The following KMT2D variants were observed in gnomAD, a reference collection of about 807,000 sequenced individuals.
KMT2D encodes the protein lysine methyltransferase 2D.
A neutral mutation model predicts 512.7 loss-of-function variants in KMT2D; 55 were observed. That is an observed-to-expected ratio of 0.11 (90% confidence interval 0.09 to 0.13). The LOEUF (loss-of-function observed/expected upper bound fraction) is 0.13. KMT2D is among the 10% of genes least tolerant of loss of function. KMT2D has a pLI of 1.00. For missense variants in KMT2D, 6,061 were observed against 7,127.9 expected (o/e 0.85, Z 5.39); for synonymous variants, 2,995 against 2,904.0 (o/e 1.03, Z -1.01).
At position 49,041,319 on chromosome 12, in the gene KMT2D, G is replaced by A. The variant is rs2120544988; in HGVS notation, c.6451C>T (p.Pro2151Ser). 1.3e-6 allele frequency: 2 copies of A among 1,538,642 alleles called. No individual in the cohort carries two copies. The highest frequency in any genetic ancestry group is 1.3e-5 in the South Asian group (1 of 78,784). ...AGCTCACCAGGCGAGTCAGGGCCAG[G>A]CACCGAGCCCGCCGGCGGCTTCAGG... ...GFLKPPAGSV[P>S]GPDSPGELFL... The change falls in exon 32 of 55, where the codon CCT becomes TCT. Residue 2151 changes from proline (P) to serine (S), a missense_variant. Transcript: ENST00000301067. The surrounding 1 kb of genome is among the most constrained non-coding windows in gnomAD (Gnocchi z 5.4).
rs774789138 is a variant in KMT2D, at chr12:49,051,809, C to A, written c.1874G>T (p.Arg625Leu). The change falls in exon 11 of 55, where the codon CGC (arginine) becomes CTC (leucine). Residue 625 changes from arginine (R) to leucine (L), a missense_variant. This residue lies in a region of KMT2D where 848 missense variants were observed against 838.5 expected (regional missense o/e 1.01). Coordinates refer to ENST00000301067, the MANE Select transcript of KMT2D (RefSeq NM_003482.4). ...CGAGTCCTCAGGTGGTGGGGACAGG[C>A]GTGATGCCTCAGGTGGTGGGGAAAG... ...SPLSPPPEAS[R>L]LSPPPEDSPM... 2 of 1,573,706 alleles carry A rather than the reference C, an allele frequency of 1.3e-6. No individual in the cohort carries two copies. Among genetic ancestry groups the A allele is most frequent in the Non-Finnish European group, 1.7e-6 (2 of 1,163,300 alleles).
rs373652741 is a variant in KMT2D at position 49,042,249 on chromosome 12, G to A, written c.5949C>T (p.Thr1983=). The change falls in exon 29 of 55, where the codon ACC becomes ACT. Residue 1983 remains threonine, a synonymous_variant. Coordinates refer to ENST00000301067, the MANE Select transcript of KMT2D (RefSeq NM_003482.4). This position sits in a 1 kb window ranked among gnomAD's most constrained non-coding sequence, Gnocchi z 4.4. ...WTGSGGTTPS[T]PTTPTTEGEG... is the part of the protein sequence containing the mutation. ...CACCCTCCGTGGTGGGGGTTGTGGG[G>A]GTGGAGGGCGTGGTGCCACCTGAGC... The A allele has an allele frequency of 2.5e-6, 4 of 1,586,150 alleles. No individual in the cohort carries two copies. The highest frequency in any genetic ancestry group is 3.4e-6 in the Non-Finnish European group (4 of 1,166,604).
In KMT2D at chr12:49,028,815, C is replaced by A. The variant is rs2120386092; in HGVS notation, c.14382+13G>T. 6.2e-7 allele frequency: 1 copy of A among 1,613,464 alleles called. No individual in the cohort carries two copies. The highest frequency in any genetic ancestry group is 8.5e-7 in the Non-Finnish European group (1 of 1,179,782). ...CAGGTTCCCCTCAGCCTCGAGGTAC[C>A]CCTAGGACACACCTTGGCTGCAGCA... On this transcript the variant is annotated intron_variant, in intron 46 of 54. Transcript: ENST00000301067.
Position 49,041,305 on chromosome 12 carries a change from C to G in KMT2D, c.6465G>C (p.Ser2155=), listed in dbSNP as rs771164655. 1.3e-6 allele frequency: 2 copies of G among 1,529,028 alleles called. No homozygotes were observed. The highest frequency in any genetic ancestry group is 1.8e-6 in the Non-Finnish European group (2 of 1,141,450). The allele number at this position is 1,529,028 out of a possible 1,614,324, so 94.7% of individuals were successfully genotyped here. A position where few individuals can be genotyped will look rare whatever the true frequency, so the allele number is the denominator to read the frequency against. Residue 2155 remains serine (S), a synonymous_variant, in exon 32 of 55, where the codon TCG becomes TCC. Coordinates refer to ENST00000301067, the MANE Select transcript of KMT2D (RefSeq NM_003482.4). This position sits in a 1 kb window ranked among gnomAD's most constrained non-coding sequence, Gnocchi z 5.4. ...GGAGCTTGAGGAAGAGCTCACCAGG[C>G]GAGTCAGGGCCAGGCACCGAGCCCG... ...PPAGSVPGPD[S]PGELFLKLPP...
chr12:49,042,389 A>C lies in KMT2D; in HGVS notation c.5868-59T>G, dbSNP rs1210499991. 91 of 1,489,408 alleles carry C rather than the reference A, an allele frequency of 6.1e-5. No individual in the cohort carries two copies. Among genetic ancestry groups the C allele is most frequent in the Non-Finnish European group, 8.1e-6 (9 of 1,117,270 alleles). 92.3% of individuals were successfully genotyped at this position (1,489,408 alleles called of 1,614,324 possible). The stretch of plus-strand genomic sequence containing the variant: ...GGGATGCCAAGTCCCACCCCAGACA[A>C]ACTGCCTAGAGCCCCAGGCCACTGC... On this transcript the variant is annotated intron_variant, in intron 28 of 54. Transcript: ENST00000301067. The surrounding 1 kb of genome is among the most constrained non-coding windows in gnomAD (Gnocchi z 4.4).
rs775314421 is a variant in KMT2D at position 49,040,374 on chromosome 12, A to G, written c.7396T>C (p.Leu2466=). Reference sequence around the variant, plus strand: ...GGCTGGGGTCGGGGTGGCTTATGCAATGGGGCAAATGGGTCACGGGACTGA... The same window carrying G: ...GGCTGGGGTCGGGGTGGCTTATGCAGTGGGGCAAATGGGTCACGGGACTGA... ...RPQSRDPFAP[L]HKPPRPQPPE... The change falls in exon 32 of 55, where the codon TTG becomes CTG. Residue 2466 remains leucine, a synonymous_variant. Transcript: ENST00000301067. 1.3e-6 allele frequency: 2 copies of G among 1,564,222 alleles called. No homozygotes were observed. The highest frequency in any genetic ancestry group is 1.9e-5 in the Admixed American group (1 of 53,854).
chr12:49,044,693 CAG>C lies in KMT2D; in HGVS notation c.4963+49_4963+50del. ...TAGCCCCCACCCAACATCCCACTCC[CAG>C]AGTCACGCTCCCCCTACTCTGCCGC... is the stretch of plus-strand genomic sequence containing the variant. On this transcript the variant is annotated intron_variant, in intron 20 of 54. Transcript: ENST00000301067. This position sits in a 1 kb window ranked among gnomAD's most constrained non-coding sequence, Gnocchi z 6.4. The C allele has an allele frequency of 6.3e-7, 1 of 1,581,030 alleles. No individual in the cohort carries two copies.
Position 49,050,223 on chromosome 12 carries a change from G to A in KMT2D, c.3365C>T (p.Thr1122Ile), listed in dbSNP as rs541921137. ...LDDFSGLGED[T>I]APLDGIDAPG... is the part of the protein sequence containing the mutation. ...AGCATCAATCCCATCCAGAGGGGCT[G>A]TGTCTTCCCCTAGGCCAGAGAAGTC... is the stretch of plus-strand genomic sequence containing the variant. Residue 1122 changes from threonine (T) to isoleucine (I), a missense_variant, in exon 12 of 55, where the codon ACA becomes ATA. This residue lies in a region of KMT2D where 447 missense variants were observed against 500.1 expected (regional missense o/e 0.89). Transcript: ENST00000301067. 7.4e-6 allele frequency: 12 copies of A among 1,613,606 alleles called. No individual in the cohort carries two copies. Among genetic ancestry groups the A allele is most frequent in the Non-Finnish European group, 1.0e-5 (12 of 1,179,826 alleles).
Position 49,044,184 on chromosome 12 carries a change from C to T in KMT2D, c.5188+16G>A, listed in dbSNP as rs1421050202. On this transcript the variant is annotated intron_variant, in intron 22 of 54. Coordinates refer to ENST00000301067, the MANE Select transcript of KMT2D (RefSeq NM_003482.4). The surrounding 1 kb of genome is among the most constrained non-coding windows in gnomAD (Gnocchi z 6.4). ...CACCTTCTCCCAGGCCCCACTGGTG[C>T]CCTCACCCGTCTCACCCTCGTCGGG... The T allele has an allele frequency of 1.2e-6, 2 of 1,608,964 alleles. No homozygotes were observed. The highest frequency in any genetic ancestry group is 1.7e-6 in the Non-Finnish European group (2 of 1,178,286).
At position 49,031,572 on chromosome 12, in the gene KMT2D, T is replaced by C. The variant is rs1002075094; in HGVS notation, c.13133A>G (p.Asp4378Gly). The C allele has an allele frequency of 2.6e-5, 42 of 1,599,942 alleles. No homozygotes were observed. Among genetic ancestry groups the C allele is most frequent in the Non-Finnish European group, 3.5e-5 (41 of 1,173,256 alleles). The change falls in exon 40 of 55, where the codon GAT becomes GGT. Residue 4378 changes from aspartate to glycine, a missense_variant. Coordinates refer to ENST00000301067, the MANE Select transcript of KMT2D (RefSeq NM_003482.4). The part of the protein sequence containing the change: ...TLFSKGLGPW[D>G]PPDNLAETQK... ...GGTTTCTGCTAGGTTGTCTGGGGGA[T>C]CCCAAGGTCCCAGACCCTTGCTAAA... is the stretch of plus-strand genomic sequence containing the variant.
Position 49,031,570 on chromosome 12 carries a change from G to T in KMT2D, c.13135C>A (p.Pro4379Thr). Reference sequence around the variant, plus strand: ...TGGGTTTCTGCTAGGTTGTCTGGGGGATCCCAAGGTCCCAGACCCTTGCTA... The same window carrying T: ...TGGGTTTCTGCTAGGTTGTCTGGGGTATCCCAAGGTCCCAGACCCTTGCTA... Reference protein sequence around the residue: ...LFSKGLGPWDPPDNLAETQKP... With the variant: ...LFSKGLGPWDTPDNLAETQKP... Residue 4379 changes from proline to threonine, a missense_variant, in exon 40 of 55, where the codon CCC (proline) becomes ACC (threonine). Pro to Thr is a conservative substitution (Grantham distance 38). Around this residue, in one of 16 missense-constraint regions of KMT2D, gnomAD observed 1,600 missense variants for 1,754.9 expected, o/e 0.91. Coordinates refer to ENST00000301067, the MANE Select transcript of KMT2D (RefSeq NM_003482.4). 1.2e-6 allele frequency: 2 copies of T among 1,600,982 alleles called. No individual in the cohort carries two copies. Among genetic ancestry groups the T allele is most frequent in the Middle Eastern group, 1.7e-4 (1 of 6,048 alleles).
intron 10 of KMT2D, 68 bp from the exon 11 acceptor site, chr12:49,052,492 G>A (rs1261940155): frequency 4.5e-6 from 7 of 1,571,080 alleles, no homozygotes; most frequent in Non-Finnish European, 6.1e-6. Context: ...TGGGGTCTGG[G>A]GCAATGCACA....
At position 49,044,130 on chromosome 12, in the gene KMT2D, C is replaced by T. The variant is rs1943672807; in HGVS notation, c.5188+70G>A. ...CACCCTCTTGGCCCTTTCAATGAGT[C>T]CACCCCCTGGGTCTCTCTAGCATTG... On this transcript the variant is annotated intron_variant, in intron 22 of 54. Transcript: ENST00000301067. The surrounding 1 kb of genome is among the most constrained non-coding windows in gnomAD (Gnocchi z 6.4). The T allele has an allele frequency of 1.3e-6, 2 of 1,585,942 alleles. No homozygotes were observed. The highest frequency in any genetic ancestry group is 1.7e-6 in the Non-Finnish European group (2 of 1,163,242).
rs771209224 is a variant in KMT2D at position 49,027,195 on chromosome 12, G to A, written c.14771C>T (p.Ser4924Phe). The A allele has an allele frequency of 7.3e-6, 11 of 1,510,720 alleles. No homozygotes were observed. The highest frequency in any genetic ancestry group is 8.0e-6 in the Non-Finnish European group (9 of 1,127,370). 93.6% of individuals were successfully genotyped at this position (1,510,720 alleles called of 1,614,324 possible). Residue 4924 changes from serine to phenylalanine, a missense_variant, in exon 49 of 55, where the codon TCT becomes TTT. Physicochemically the swap from Ser to Phe is radical, Grantham distance 155. Coordinates refer to ENST00000301067, the MANE Select transcript of KMT2D (RefSeq NM_003482.4). ...GGGCTCAGTAGGGGGACTGGCAGGAGAAGGTGCCAAGGGGGAAGGGGGCGG... is the reference window on the plus strand; with the variant it reads ...GGGCTCAGTAGGGGGACTGGCAGGAAAAGGTGCCAAGGGGGAAGGGGGCGG... ...PSPPPSPLAPSPASPPTEPLV... is the reference protein window; with the variant it reads ...PSPPPSPLAPFPASPPTEPLV...
At chr12:49,056,483 C>A (rs534339693) in intron 1 of KMT2D, among the ~76,000 whole-genome samples, 1 of 151,776 alleles carries the variant, frequency 6.6e-6, no homozygotes, top group Non-Finnish European at 1.5e-5. Flanking sequence ...ATTACAGACA[C>A]GAAGAATAGG....
rs1942214440 is a variant in KMT2D at position 49,019,776 on chromosome 12, A to G, written c.*2004T>C. 1.3e-5 allele frequency: 3 copies of G among 232,602 alleles called. No homozygotes were observed. In the East Asian group the frequency reaches 1.8e-4, roughly 14 times the overall value. 14.4% of individuals were successfully genotyped at this position (232,602 alleles called of 1,614,324 possible). ...TATTCTCTTAAACATTTGCAGCTTG[A>G]AACAGTTGAGGAAGCAGCTTTAAAA... On this transcript the variant is annotated 3_prime_UTR_variant, in exon 55 of 55. Transcript: ENST00000301067.
chr12:49,042,495 G>T lies in KMT2D; in HGVS notation c.5867+66C>A. On this transcript the variant is annotated intron_variant, in intron 28 of 54. Coordinates refer to ENST00000301067, the MANE Select transcript of KMT2D (RefSeq NM_003482.4). The surrounding 1 kb of genome is among the most constrained non-coding windows in gnomAD (Gnocchi z 4.4). ...GCTGCAGGAGTCCGAGGGAGGCAAA[G>T]CATGAACTCAGATGGAGGGAAAGGA... The T allele has an allele frequency of 6.4e-7, 1 of 1,564,090 alleles. No homozygotes were observed. The highest frequency in any genetic ancestry group is 8.7e-7 in the Non-Finnish European group (1 of 1,145,604).
chr12:49,035,436 A>C (rs748583091), intron 35 of KMT2D: 1 of 152,838 alleles, frequency 6.5e-6, no homozygotes, highest in African/African-American at 2.4e-5. Flanking sequence ...CTGTCTGTCT[A>C]GAATGCTGGG....
rs1226116563 is a variant in KMT2D, at chr12:49,054,469, T to C, written c.401-53A>G. 1 of 1,571,118 alleles carries C rather than the reference T, an allele frequency of 6.4e-7. No individual in the cohort carries two copies. Among genetic ancestry groups the C allele is most frequent in the Non-Finnish European group, 8.6e-7 (1 of 1,156,720 alleles). On this transcript the variant is annotated intron_variant, in intron 4 of 54. Coordinates refer to ENST00000301067, the MANE Select transcript of KMT2D (RefSeq NM_003482.4). The surrounding 1 kb of genome is among the most constrained non-coding windows in gnomAD (Gnocchi z 6.4). ...AAGGAAAGAATTAACAAAAAGAGGATTGCTGGCTCAGGACTACCCAGCCCT... is the reference window on the plus strand; with the variant it reads ...AAGGAAAGAATTAACAAAAAGAGGACTGCTGGCTCAGGACTACCCAGCCCT...
Sources: gnomAD v4.1 joint callset for allele counts (sites outside exome capture counted in the v4.1 genomes callset) on GRCh38, gnomAD v4.1.1 for gene constraint, gnomAD v4.1.1 regional missense constraint, Gnocchi (gnomAD v3.1) non-coding constraint, MANE v1.5 for transcripts, NCBI Gene and HGNC (gene_info 2026-07-23, HGNC 2026-07-21) for gene names.